Variants in TPRA1 observed in about 807,000 individuals in gnomAD.
TPRA1 encodes transmembrane protein adipocyte associated 1.
In TPRA1, 28 loss-of-function variants were observed where a neutral mutation model predicts 40.1. That is an observed-to-expected ratio of 0.70 (90% confidence interval 0.52 to 0.96). The LOEUF is 0.96. Among genes scored for constraint, TPRA1 ranks in the 40% least tolerant of loss-of-function variants. The pLI is 0.00. For missense variants in TPRA1, 441 were observed against 482.6 expected (o/e 0.91, Z 0.81); for synonymous variants, 219 against 209.7 (o/e 1.04, Z -0.38).
rs1207719675 is a variant in TPRA1, at chr3:127,571,791, T to C, written c.*1730A>G. The C allele has an allele frequency of 6.6e-6, 1 of 152,184 alleles. No individual in the cohort carries two copies. The highest frequency in any genetic ancestry group is 1.5e-5 in the Non-Finnish European group (1 of 68,042). 9.4% of individuals were successfully genotyped at this position (152,184 alleles called of 1,614,324 possible). A position where few individuals can be genotyped will look rare whatever the true frequency, so the allele number is the denominator to read the frequency against. On this transcript the variant is annotated 3_prime_UTR_variant, in exon 11 of 11. Transcript: ENST00000355552. ...CCTCCTGTACTGCATGAACCTTTTT[T>C]TTTCTTGCCATGTACATATATGACC...
intron 1 of TPRA1, among the ~76,000 whole-genome samples, chr3:127,596,729 G>A (rs1022566835): frequency 6.6e-5 from 10 of 152,144 alleles, no homozygotes; most frequent in East Asian, 1.9e-4. Context: ...CTTCCTGTGC[G>A]CTCCTATCTC....
chr3:127,575,950 A>C lies in TPRA1; in HGVS notation c.599T>G (p.Phe200Cys), dbSNP rs148342343. The change falls in exon 7 of 11, where the codon TTC becomes TGC. Residue 200 changes from phenylalanine to cysteine, a missense_variant. Phe to Cys is a radical substitution (Grantham distance 205, BLOSUM62 -2). Coordinates refer to ENST00000355552, the MANE Select transcript of TPRA1 (RefSeq NM_001136053.4). ...GRQFWLVSSCFFFLVYSLVVI... is the reference protein window; with the variant it reads ...GRQFWLVSSCCFFLVYSLVVI... The stretch of plus-strand genomic sequence containing the variant: ...CAGCCTGAACCTCACCAGGAAGAAG[A>C]AGCAGGAGCTGACCAGCCAGAACTG... The C allele has an allele frequency of 2.6e-4, 412 of 1,613,984 alleles. 2 individuals carry two copies. The highest frequency in any genetic ancestry group is 5.8e-4 in the South Asian group (53 of 91,084).
rs1040229287 is a variant in TPRA1 at position 127,576,944 on chromosome 3, C to T, written c.345+46G>A. The T allele has an allele frequency of 1.2e-6, 2 of 1,613,398 alleles. No homozygotes were observed. The highest frequency in any genetic ancestry group is 1.3e-5 in the African/African-American group (1 of 74,910). Reference sequence around the variant, plus strand: ...AGCCTGGACCAGCATCCCCAGCCCACCCCAGGCCAGGCCTCCCTGGCCTCC... The same window carrying T: ...AGCCTGGACCAGCATCCCCAGCCCATCCCAGGCCAGGCCTCCCTGGCCTCC... On this transcript the variant is annotated intron_variant, in intron 4 of 10. Coordinates refer to ENST00000355552, the MANE Select transcript of TPRA1 (RefSeq NM_001136053.4). This position sits in a 1 kb window ranked among gnomAD's most constrained non-coding sequence, Gnocchi z 4.6.
At chr3:127,588,790 G>A (rs938546304) in intron 1 of TPRA1, among the ~76,000 whole-genome samples, 2 of 152,170 alleles carry the variant, frequency 1.3e-5, no homozygotes, top group African/African-American at 4.8e-5. Context: ...CTTTACACGT[G>A]GTGACACACT....
intron 1 of TPRA1, among the ~76,000 whole-genome samples, chr3:127,584,106 A>T (rs1576386767): frequency 2.0e-5 from 3 of 151,372 alleles, no homozygotes; most frequent in Non-Finnish European, 2.9e-5. Context: ...AACAACAAGC[A>T]TGAAAACCCT....
chr3:127,583,940 A>T (rs1576386372), intron 1 of TPRA1, among the ~76,000 whole-genome samples: 1 of 150,468 alleles, frequency 6.6e-6, no homozygotes, highest in Admixed American at 6.6e-5. Flanking sequence ...AAGTGCTGGG[A>T]TTACAGGTGT....
chr3:127,584,753 T>A (rs2073950110), intron 1 of TPRA1, among the ~76,000 whole-genome samples: 1 of 152,134 alleles, frequency 6.6e-6, no homozygotes, highest in Non-Finnish European at 1.5e-5. Context: ...TTTGATCTAA[T>A]CCCATGGTGT....
Position 127,579,320 on chromosome 3 carries a change from G to A in TPRA1, c.258+420C>T, listed in dbSNP as rs374290385. Among the ~76,000 whole-genome samples, 4 of 152,304 alleles carry A rather than the reference G, an allele frequency of 2.6e-5. No individual in the cohort carries two copies. In the East Asian group the frequency reaches 5.8e-4, roughly 22 times the overall value. ...CTAGTACCAGCTCCCCAATTCTGTT[G>A]TGGGCTCCCTCAGTCCATATGGTCC... is the stretch of plus-strand genomic sequence containing the variant. On this transcript the variant is annotated intron_variant, in intron 3 of 10. Coordinates refer to ENST00000355552, the MANE Select transcript of TPRA1 (RefSeq NM_001136053.4).
intron 3 of TPRA1, among the ~76,000 whole-genome samples, chr3:127,579,062 C>T (rs2073742919): frequency 6.6e-6 from 1 of 152,166 alleles, no homozygotes; most frequent in Non-Finnish European, 1.5e-5. Flanking sequence ...TGGGACAGCC[C>T]ACACCTGGAG....
Position 127,590,530 on chromosome 3 carries a change from A to T in TPRA1, c.-138T>A, listed in dbSNP as rs1240136240. ...GGACTCCGGCCTCCAGCGCCAGACC[A>T]GGCGGCCTGGGCCGGGAAGCGTCGC... On this transcript the variant is annotated 5_prime_UTR_variant, in exon 1 of 11. Transcript: ENST00000355552. 1 of 152,208 alleles carries T rather than the reference A, an allele frequency of 6.6e-6. No individual in the cohort carries two copies. The highest frequency in any genetic ancestry group is 1.5e-5 in the Non-Finnish European group (1 of 68,028). 9.4% of individuals were successfully genotyped at this position (152,208 alleles called of 1,614,324 possible).
Position 127,575,328 on chromosome 3 carries a change from G to A in TPRA1, c.774-63C>T, listed in dbSNP as rs761701828. 1.9e-6 allele frequency: 3 copies of A among 1,584,432 alleles called. No individual in the cohort carries two copies. In the South Asian group the frequency reaches 3.4e-5, roughly 18 times the overall value. On this transcript the variant is annotated intron_variant, in intron 9 of 10. Coordinates refer to ENST00000355552, the MANE Select transcript of TPRA1 (RefSeq NM_001136053.4). Reference sequence around the variant, plus strand: ...CCATGCTGACTCCACACCTCCCCATGCCCCCAGCGGGTGGACACCCTGCCG... The same window carrying A: ...CCATGCTGACTCCACACCTCCCCATACCCCCAGCGGGTGGACACCCTGCCG...
Position 127,575,945 on chromosome 3 carries a change from A to T in TPRA1, c.604T>A (p.Phe202Ile), listed in dbSNP as rs1200643461. ...TGCCCCAGCCTGAACCTCACCAGGA[A>T]GAAGAAGCAGGAGCTGACCAGCCAG... ...QFWLVSSCFFFLVYSLVVILP... is the reference protein window; with the variant it reads ...QFWLVSSCFFILVYSLVVILP... The change falls in exon 7 of 11, where the codon TTC becomes ATC. Residue 202 changes from phenylalanine to isoleucine, a missense_variant. Phe to Ile is a conservative substitution (Grantham distance 21). Transcript: ENST00000355552. 6.2e-7 allele frequency: 1 copy of T among 1,613,618 alleles called. No homozygotes were observed. The highest frequency in any genetic ancestry group is 1.3e-5 in the African/African-American group (1 of 74,938).
intron 1 of TPRA1, among the ~76,000 whole-genome samples, chr3:127,589,059 TG>T (rs967073006): frequency 8.6e-4 from 129 of 150,008 alleles, no homozygotes; most frequent in African/African-American, 3.1e-3. Flanking sequence ...CAGAGCACCC[TG>T]GGCAACCCCA....
In TPRA1 at chr3:127,573,635, C is replaced by G; in HGVS notation, c.1008G>C (p.Thr336=). The change falls in exon 11 of 11, where the codon ACG becomes ACC. Residue 336 remains threonine (T), a synonymous_variant. Transcript: ENST00000355552. ...AGASAASYSS[T]QFDSAGGVAY... ...CCACCCCGCCGGCAGAGTCGAACTG[C>G]GTGCTCGAGTAGCTGGCAGCTGAGG... is the stretch of plus-strand genomic sequence containing the variant. The G allele has an allele frequency of 6.2e-7, 1 of 1,613,392 alleles. No homozygotes were observed. Among genetic ancestry groups the G allele is most frequent in the Admixed American group, 1.7e-5 (1 of 60,028 alleles).
chr3:127,590,220 C>G (rs924214985), intron 1 of TPRA1, among the ~76,000 whole-genome samples, 190 bp downstream of exon 1: 1 of 152,186 alleles, frequency 6.6e-6, no homozygotes, highest in Non-Finnish European at 1.5e-5. Flanking sequence ...CTGCCCGGCA[C>G]CCCTCCCGTG....
In TPRA1 at chr3:127,576,059, G is replaced by A. The variant is rs1197770560; in HGVS notation, c.499-9C>T. The A allele has an allele frequency of 6.2e-7, 1 of 1,606,336 alleles. No individual in the cohort carries two copies. Among genetic ancestry groups the A allele is most frequent in the East Asian group, 2.2e-5 (1 of 44,818 alleles). ...AGGATCTCCAGGGTCCCCTGCAGGG[G>A]CAAGCAGGAAGGGAGGAAGGGAGAG... On this transcript the variant is annotated splice_polypyrimidine_tract_variant and intron_variant, in intron 6 of 10. Transcript: ENST00000355552. This position sits in a 1 kb window ranked among gnomAD's most constrained non-coding sequence, Gnocchi z 4.6.
chr3:127,573,555 G>A lies in TPRA1; in HGVS notation c.1088C>T (p.Thr363Ile), dbSNP rs1212127474. 6.2e-7 allele frequency: 1 copy of A among 1,613,130 alleles called. No homozygotes were observed. The highest frequency in any genetic ancestry group is 1.7e-5 in the Admixed American group (1 of 60,028). ...GATGGCCTTCCAGCGCTCGCTGTCT[G>A]TGCTGTTGATGCTGCCAGTGTGGCA... ...MPCHTGSINS[T>I]DSERWKAINA The change falls in exon 11 of 11, where the codon ACA (threonine) becomes ATA (isoleucine). Residue 363 changes from threonine to isoleucine, a missense_variant. By Grantham distance (89) the Thr-to-Ile change is moderately conservative. Coordinates refer to ENST00000355552, the MANE Select transcript of TPRA1 (RefSeq NM_001136053.4).
rs1255204671 is a variant in TPRA1 at position 127,575,607 on chromosome 3, CT to C, written c.671-103del. On this transcript the variant is annotated intron_variant, in intron 8 of 10. Transcript: ENST00000355552. ...AAGCCTGGTGTGTCCCCCGGGGCCC[CT>C]CTAGGCCTCCCTCTCACCCAGGGCT... The C allele has an allele frequency of 5.5e-6, 8 of 1,461,838 alleles. No individual in the cohort carries two copies. The East Asian group carries it at 1.9e-4, about 35-fold the overall frequency. The allele number at this position is 1,461,838 out of a possible 1,614,324, so 90.6% of individuals were successfully genotyped here. A position where few individuals can be genotyped will look rare whatever the true frequency, so the allele number is the denominator to read the frequency against.
chr3:127,589,407 A>G (rs568086494), intron 1 of TPRA1, among the ~76,000 whole-genome samples: 1 of 141,400 alleles, frequency 7.1e-6, no homozygotes, highest in East Asian at 2.3e-4. Flanking sequence ...TACAAACCCT[A>G]GGGCCTAAGG....
Sources: allele counts gnomAD v4.1 joint callset (sites outside exome capture counted in the v4.1 genomes callset), GRCh38; gene constraint gnomAD v4.1.1; non-coding constraint Gnocchi (gnomAD v3.1); transcripts MANE v1.5; gene names NCBI Gene and HGNC (gene_info 2026-07-23, HGNC 2026-07-21).